DAP: variants seen among roughly 807,000 people sequenced by gnomAD.
DAP encodes death-associated protein 1.
In DAP, 8 loss-of-function variants were observed where a neutral mutation model predicts 13.8. The ratio of observed to expected loss-of-function variants is 0.58; its 90% CI spans 0.34 to 1.05. The LOEUF (loss-of-function observed/expected upper bound fraction) is 1.05, where lower values mean the gene tolerates loss of function less well. DAP is among the 50% of genes least tolerant of loss of function. The probability of loss-of-function intolerance (pLI) is 0.03; values close to 1 mark genes in which losing one functional copy is unlikely to be tolerated. For synonymous variants in DAP, 47 were observed against 47.5 expected (o/e 0.99, Z 0.04); for missense variants, 106 against 133.2 (o/e 0.80, Z 1.01).
intron 2 of DAP, among the ~76,000 whole-genome samples, chr5:10,715,946 G>A (rs1738975591): frequency 6.6e-6 from 1 of 152,212 alleles, no homozygotes; most frequent in Non-Finnish European, 1.5e-5. Flanking sequence ...CCTAGATTTA[G>A]CAGAGATAAA....
chr5:10,755,700 C>A (rs1341393919), intron 1 of DAP, among the ~76,000 whole-genome samples: 1 of 152,172 alleles, frequency 6.6e-6, no homozygotes, highest in East Asian at 1.9e-4. Context: ...TAATATAGTA[C>A]TTTATACAAA....
chr5:10,694,195 C>T (rs1052085790), intron 2 of DAP, among the ~76,000 whole-genome samples: 8 of 152,134 alleles, frequency 5.3e-5, no homozygotes, highest in Admixed American at 2.0e-4. Flanking sequence ...TTCAGAACCA[C>T]GCAAAGGAGG....
Position 10,679,402 on chromosome 5 carries a change from C to T in DAP, c.*1654G>A, listed in dbSNP as rs1468374018. 6.6e-6 allele frequency: 1 copy of T among 152,412 alleles called. No individual in the cohort carries two copies. The allele number at this position is 152,412 out of a possible 1,614,324, so 9.4% of individuals were successfully genotyped here. On this transcript the variant is annotated 3_prime_UTR_variant, in exon 4 of 4. Transcript: ENST00000230895. ...ACCTCTGGAAATAACAGCCCTCCCT[C>T]TGGCTGAAGACTGAGAAGCATTAAG...
chr5:10,752,424 A>G (rs1427582964), intron 1 of DAP, among the ~76,000 whole-genome samples: 2 of 152,274 alleles, frequency 1.3e-5, no homozygotes, highest in East Asian at 3.8e-4. Flanking sequence ...AAAACTACAA[A>G]AGAAGAATTA....
chr5:10,683,713 G>T, intron 2 of DAP, 142 bp from the exon 3 acceptor site: 1 of 756,980 alleles, frequency 1.3e-6, no homozygotes, highest in Non-Finnish European at 2.3e-6. Flanking sequence ...TGCGTTATTT[G>T]TTGTAATGAT....
intron 2 of DAP, among the ~76,000 whole-genome samples, chr5:10,730,310 C>T (rs1290788705): frequency 6.6e-6 from 1 of 152,182 alleles, no homozygotes; most frequent in African/African-American, 2.4e-5. Flanking sequence ...CTCAGATGTG[C>T]GTGCCAGGGA....
At chr5:10,718,183 T>C (rs1739042251) in intron 2 of DAP, among the ~76,000 whole-genome samples, 1 of 152,226 alleles carries the variant, frequency 6.6e-6, no homozygotes, top group African/African-American at 2.4e-5. Flanking sequence ...GGCTCTGAGC[T>C]GACGTTGATT....
intron 2 of DAP, among the ~76,000 whole-genome samples, chr5:10,704,662 ATTTTCCCCAAATTGTATCTTGGTC>A (rs1356566024): frequency 1.3e-5 from 2 of 152,118 alleles, no homozygotes; most frequent in African/African-American, 4.8e-5. Flanking sequence ...TAATCAGGGA[ATTTTCCCCAAATTGTATCTTGGTC>A]TTTTCTGGGT....
At chr5:10,704,952 T>C (rs1314938087) in intron 2 of DAP, among the ~76,000 whole-genome samples, 1 of 152,204 alleles carries the variant, frequency 6.6e-6, no homozygotes, top group Non-Finnish European at 1.5e-5. Context: ...CTGGTCTTCC[T>C]ACACCTGTCG....
chr5:10,711,284 G>A (rs1042415351), intron 2 of DAP, among the ~76,000 whole-genome samples: 1 of 152,224 alleles, frequency 6.6e-6, no homozygotes, highest in Non-Finnish European at 1.5e-5. Flanking sequence ...ACCCGGGGTG[G>A]CCTGGGGCTT....
At chr5:10,736,828 G>A (rs537047158) in intron 2 of DAP, among the ~76,000 whole-genome samples, 7 of 152,328 alleles carry the variant, frequency 4.6e-5, no homozygotes, top group African/African-American at 1.7e-4. Flanking sequence ...TGAGGGTCTT[G>A]CTGTACCTTC....
At chr5:10,758,630 T>C (rs776326377) in intron 1 of DAP, among the ~76,000 whole-genome samples, 1 of 152,156 alleles carries the variant, frequency 6.6e-6, no homozygotes, top group African/African-American at 2.4e-5. Context: ...TGAGACTCAC[T>C]GCAGCAAACA....
At chr5:10,759,637 T>C (rs1579827770) in intron 1 of DAP, among the ~76,000 whole-genome samples, 1 of 152,072 alleles carries the variant, frequency 6.6e-6, no homozygotes, top group South Asian at 2.1e-4. Context: ...TGAAAAATAT[T>C]GCCTACTCTG....
At chr5:10,689,758 G>A (rs1016247175) in intron 2 of DAP, among the ~76,000 whole-genome samples, 5 of 152,212 alleles carry the variant, frequency 3.3e-5, no homozygotes, top group African/African-American at 1.2e-4. Context: ...TTGGCTGAGT[G>A]ATGGCAAGAC....
chr5:10,706,368 A>C (rs1295926515), intron 2 of DAP, among the ~76,000 whole-genome samples: 1 of 152,234 alleles, frequency 6.6e-6, no homozygotes, highest in Non-Finnish European at 1.5e-5. Context: ...TTTACAGATA[A>C]GGACACATGC....
chr5:10,681,261 T>G, intron 3 of DAP, 92 bp from the exon 4 acceptor site: 1 of 984,416 alleles, frequency 1.0e-6, no homozygotes, highest in Non-Finnish European at 1.5e-6. Flanking sequence ...CCAGCGTCCC[T>G]GCGGAAGGAT....
intron 1 of DAP, among the ~76,000 whole-genome samples, chr5:10,752,547 A>T (rs1441643126): frequency 6.6e-5 from 10 of 152,208 alleles, no homozygotes; most frequent in Non-Finnish European, 1.2e-4. Flanking sequence ...TTCAAATGTA[A>T]AAAATAAGCT....
intron 2 of DAP, among the ~76,000 whole-genome samples, chr5:10,746,519 G>A (rs1007082970): frequency 2.0e-5 from 3 of 151,824 alleles, no homozygotes; most frequent in African/African-American, 4.8e-5. Flanking sequence ...TAGTAGAGAC[G>A]GGGTTTCCCC....
intron 2 of DAP, among the ~76,000 whole-genome samples, chr5:10,745,516 T>C (rs1208326209): frequency 6.6e-6 from 1 of 152,222 alleles, no homozygotes; most frequent in African/African-American, 2.4e-5. Context: ...TGCTACAATC[T>C]ACAGCGCTGG....
Sources: gnomAD v4.1 joint callset for allele counts (sites outside exome capture counted in the v4.1 genomes callset) on GRCh38, gnomAD v4.1.1 for gene constraint, MANE v1.5 for transcripts, NCBI Gene and HGNC (gene_info 2026-07-23, HGNC 2026-07-21) for gene names.